Variants in DIP2A observed in about 807,000 individuals in gnomAD.
DIP2A encodes DIP2 acetate--CoA ligase A.
In DIP2A, 85 loss-of-function variants were observed where a neutral mutation model predicts 177.4. The observed-to-expected ratio is 0.48, with a 90% CI of 0.40 to 0.57. The LOEUF (loss-of-function observed/expected upper bound fraction) is 0.57, where lower values mean the gene tolerates loss of function less well. DIP2A is among the 20% of genes least tolerant of loss of function. The probability of loss-of-function intolerance (pLI) is 0.00; values close to 1 mark genes in which losing one functional copy is unlikely to be tolerated. For synonymous variants in DIP2A, 886 were observed against 881.8 expected (o/e 1.00, Z -0.08); for missense variants, 1,791 against 2,100.2 (o/e 0.85, Z 2.88).
downstream of DIP2A, among the ~76,000 whole-genome samples, chr21:46,571,016 G>C (rs1241321489): frequency 6.6e-6 from 1 of 152,094 alleles, no homozygotes; most frequent in Non-Finnish European, 1.5e-5. Flanking sequence ...CCAAGCCCTG[G>C]GCCACAGACT....
At chr21:46,541,138 CTG>C (rs2059800878) in intron 17 of DIP2A, among the ~76,000 whole-genome samples, 2 of 151,716 alleles carry the variant, frequency 1.3e-5, no homozygotes, top group Admixed American at 1.3e-4. Context: ...TTTTGCACAA[CTG>C]TGTAATTTTT....
chr21:46,558,591 C>T, intron 32 of DIP2A, 198 bp downstream of exon 32: 1 of 614,662 alleles, frequency 1.6e-6, no homozygotes, highest in Non-Finnish European at 2.8e-6. Flanking sequence ...TGGAGAAAGG[C>T]TTATTTGGAA....
In DIP2A at chr21:46,460,406, T is replaced by C. The variant is rs373426889; in HGVS notation, c.91+1184T>C. 6.2e-4 allele frequency among the ~76,000 whole-genome samples: 94 copies of C among 152,346 alleles called. 1 individual carries two copies. In the South Asian group the frequency reaches 0.01, roughly 17 times the overall value. ...CCTTGAAGAAAAGCATGTAATTGAT[T>C]CTTACTCTGTTTTTGAGATCTAAAT... On this transcript the variant is annotated intron_variant, in intron 1 of 37. Coordinates refer to ENST00000417564, the MANE Select transcript of DIP2A (RefSeq NM_015151.4).
intron 5 of DIP2A, among the ~76,000 whole-genome samples, chr21:46,501,346 T>C (rs1049473954): frequency 2.0e-5 from 3 of 152,202 alleles, no homozygotes; most frequent in Non-Finnish European, 4.4e-5. Flanking sequence ...CTTTTAATTA[T>C]AGTAGCTTCT....
chr21:46,580,082 C>CT, the DIP2A span, among the ~76,000 whole-genome samples: 1 of 152,150 alleles, frequency 6.6e-6, no homozygotes, highest in African/African-American at 2.4e-5. Flanking sequence ...GTGTGAGAGT[C>CT]TAAGTCTCTT....
chr21:46,478,272 G>A (rs1394292956), intron 1 of DIP2A, among the ~76,000 whole-genome samples: 1 of 151,822 alleles, frequency 6.6e-6, no homozygotes, highest in Non-Finnish European at 1.5e-5. Context: ...GAGTGCAATG[G>A]CGCGATCCCG....
At chr21:46,505,460 T>A (rs1222728987) in intron 6 of DIP2A, among the ~76,000 whole-genome samples, 1 of 151,936 alleles carries the variant, frequency 6.6e-6, no homozygotes, top group Non-Finnish European at 1.5e-5. Context: ...TACAAAAAAA[T>A]TAGCCGAGTG....
At chr21:46,489,364 A>T (rs74509695) in intron 2 of DIP2A, among the ~76,000 whole-genome samples, 1 of 152,166 alleles carries the variant, frequency 6.6e-6, no homozygotes, top group Non-Finnish European at 1.5e-5. Flanking sequence ...CTGGGCCAAC[A>T]TCCTGTGAGG....
intron 8 of DIP2A, among the ~76,000 whole-genome samples, chr21:46,523,757 C>T (rs1024679407): frequency 3.9e-5 from 6 of 152,184 alleles, no homozygotes; most frequent in African/African-American, 1.4e-4. Context: ...TTAGAGCTAA[C>T]TATGATATGA....
chr21:46,470,214 C>A (rs1214957255), intron 1 of DIP2A, among the ~76,000 whole-genome samples: 1 of 152,132 alleles, frequency 6.6e-6, no homozygotes, highest in Non-Finnish European at 1.5e-5. Flanking sequence ...GTAGCTCATG[C>A]CTGTAACCCC....
At chr21:46,542,319 C>A (rs970216096) in intron 18 of DIP2A, among the ~76,000 whole-genome samples, 1 of 152,218 alleles carries the variant, frequency 6.6e-6, no homozygotes, top group Non-Finnish European at 1.5e-5. Context: ...GTTCCAGGCA[C>A]AGGCTTCATA....
chr21:46,487,075 A>G (rs2056744313), intron 2 of DIP2A, among the ~76,000 whole-genome samples: 1 of 152,218 alleles, frequency 6.6e-6, no homozygotes, highest in South Asian at 2.1e-4. Context: ...AAGCCAGCAC[A>G]CCATTTCCTC....
intron 1 of DIP2A, among the ~76,000 whole-genome samples, chr21:46,480,443 G>T (rs1002263021): frequency 2.6e-5 from 4 of 152,172 alleles, no homozygotes; most frequent in African/African-American, 9.7e-5. Context: ...AGATTTGAGT[G>T]GGGAGGACAC....
rs2059459350 is a variant in DIP2A, at chr21:46,534,088, C to T, written c.1514C>T (p.Thr505Ile). 1 of 1,613,464 alleles carries T rather than the reference C, an allele frequency of 6.2e-7. No homozygotes were observed. The highest frequency in any genetic ancestry group is 1.1e-5 in the South Asian group (1 of 91,046). ...PKDWHPLAQD[T>I]GTGTAYIEYK... ...GACTGGCACCCTCTGGCCCAGGACA[C>T]AGGGACTGGGACTGCCTACATTGAG... The change falls in exon 12 of 38, where the codon ACA becomes ATA. Residue 505 changes from threonine (T) to isoleucine (I), a missense_variant. Thr to Ile is a moderately conservative substitution (Grantham distance 89). Transcript: ENST00000417564.
chr21:46,463,155 A>C (rs1320786031), intron 1 of DIP2A: 1 of 152,310 alleles, frequency 6.6e-6, no homozygotes, highest in East Asian at 1.9e-4. Flanking sequence ...TCATGAACAC[A>C]TACAGAAGAA....
At chr21:46,464,814 T>G (rs1473974984) in intron 1 of DIP2A, among the ~76,000 whole-genome samples, 2 of 122,378 alleles carry the variant, frequency 1.6e-5, no homozygotes, top group Non-Finnish European at 3.3e-5. Context: ...TTAATATTCA[T>G]GTCTTTTTTT....
At chr21:46,567,050 T>A (rs1041061414) in intron 37 of DIP2A, among the ~76,000 whole-genome samples, 4 of 152,218 alleles carry the variant, frequency 2.6e-5, no homozygotes, top group African/African-American at 9.6e-5. Flanking sequence ...TTTCCACAGG[T>A]CTCATCCTGA....
chr21:46,514,125 T>C (rs1173571489), intron 8 of DIP2A, among the ~76,000 whole-genome samples: 1 of 152,144 alleles, frequency 6.6e-6, no homozygotes, highest in Non-Finnish European at 1.5e-5. Flanking sequence ...GCAATCTATA[T>C]TATTATTATT....
intron 9 of DIP2A, among the ~76,000 whole-genome samples, chr21:46,531,680 T>C (rs2059362814): frequency 1.3e-5 from 2 of 152,212 alleles, no homozygotes; most frequent in African/African-American, 4.8e-5. Flanking sequence ...TCCTATAATA[T>C]TACACTTTAT....
Sources: gnomAD v4.1 joint callset for allele counts (sites outside exome capture counted in the v4.1 genomes callset) on GRCh38, gnomAD v4.1.1 for gene constraint, MANE v1.5 for transcripts, NCBI Gene and HGNC (gene_info 2026-07-23, HGNC 2026-07-21) for gene names.